The following SRBD1 variants were observed in gnomAD, a reference collection of about 807,000 sequenced individuals.
SRBD1 encodes S1 RNA-binding domain-containing protein 1.
SRBD1 carries 88 observed loss-of-function variants against 115.3 expected under a neutral mutation model. That is an observed-to-expected ratio of 0.76 (90% CI 0.64 to 0.91). The LOEUF is 0.91. Among genes scored for constraint, SRBD1 ranks in the 40% least tolerant of loss-of-function variants. The pLI, the probability that SRBD1 is intolerant of heterozygous loss-of-function variation, is 0.00. For missense variants in SRBD1, 1,385 were observed against 1,177.4 expected, an observed-to-expected ratio of 1.18 and a Z score of -2.58; for synonymous variants, 509 against 407.7, an observed-to-expected ratio of 1.25 and a Z score of -2.99.
intron 4 of SRBD1, among the ~76,000 whole-genome samples, chr2:45,587,546 A>G (rs974061699): frequency 6.6e-6 from 1 of 152,188 alleles, no homozygotes; most frequent in Admixed American, 6.5e-5. Context: ...GGTAAAAAAC[A>G]GGGAAAATTT....
Position 45,445,201 on chromosome 2 carries a change from C to T in SRBD1, c.2050-25307G>A, listed in dbSNP as rs1193588741. ...GCCTTGGCTTCTGTGGTCAAAATTT[C>T]TGGGACTCAGCTGAAAAAAGATTCT... On this transcript the variant is annotated intron_variant, in intron 16 of 20. Coordinates refer to ENST00000263736, the MANE Select transcript of SRBD1 (RefSeq NM_018079.5). Among the ~76,000 whole-genome samples, 5 of 152,230 alleles carry T rather than the reference C, an allele frequency of 3.3e-5. No individual in the cohort carries two copies. The East Asian group carries it at 7.7e-4, about 23-fold the overall frequency.
chr2:45,392,948 T>A lies in SRBD1; in HGVS notation c.2695A>T (p.Thr899Ser). The A allele has an allele frequency of 1.2e-6, 2 of 1,602,750 alleles. No homozygotes were observed. The highest frequency in any genetic ancestry group is 1.7e-6 in the Non-Finnish European group (2 of 1,174,110). Residue 899 changes from threonine (T) to serine (S), a missense_variant, in exon 20 of 21, where the codon ACA (threonine) becomes TCA (serine). By Grantham distance (58) the Thr-to-Ser change is moderately conservative. Transcript: ENST00000263736. ...TAATTCAAGTTCAACTGTTTACCTG[T>A]TCGAAAGTCAAAGCTTTCAGGCTGG... The part of the protein sequence containing the change: ...LSQPESFDFR[T>S]DFDKPDFKRS...
intron 7 of SRBD1, 150 bp from the exon 8 acceptor site, chr2:45,574,873 G>C (rs1432455427): frequency 3.9e-5 from 25 of 647,076 alleles, no homozygotes; most frequent in Non-Finnish European, 5.9e-5. Flanking sequence ...CAGTATACTA[G>C]CTTCCCTTTG....
chr2:45,605,897 C>A (rs1416998906), intron 1 of SRBD1, among the ~76,000 whole-genome samples: 3 of 137,980 alleles, frequency 2.2e-5, no homozygotes, highest in African/African-American at 8.1e-5. Context: ...GAGTGAGACT[C>A]GGTCTCAAAA....
intron 16 of SRBD1, among the ~76,000 whole-genome samples, chr2:45,434,239 C>A (rs939623802): frequency 3.3e-5 from 5 of 152,126 alleles, no homozygotes; most frequent in Non-Finnish European, 5.9e-5. Context: ...ATTTTTAAAA[C>A]CCAACATTCC....
chr2:45,611,023 T>C (rs1363315383), intron 1 of SRBD1, among the ~76,000 whole-genome samples, 196 bp downstream of exon 1: 1 of 152,038 alleles, frequency 6.6e-6, no homozygotes, highest in Non-Finnish European at 1.5e-5. Context: ...ACGAGGTAGC[T>C]AGGAGGGGTT....
chr2:45,422,378 C>A (rs900075898), intron 16 of SRBD1, among the ~76,000 whole-genome samples: 2 of 152,154 alleles, frequency 1.3e-5, no homozygotes, highest in African/African-American at 4.8e-5. Context: ...AAGCTGGTCC[C>A]ACCTCCCACA....
chr2:45,536,846 C>A (rs1294615085), intron 14 of SRBD1, among the ~76,000 whole-genome samples: 1 of 152,130 alleles, frequency 6.6e-6, no homozygotes, highest in Non-Finnish European at 1.5e-5. Context: ...GCGGGCCAAT[C>A]TTCTCTCTTA....
intron 16 of SRBD1, among the ~76,000 whole-genome samples, chr2:45,429,906 CA>C (rs1668280047): frequency 6.6e-6 from 1 of 152,148 alleles, no homozygotes; most frequent in South Asian, 2.1e-4. Flanking sequence ...CGTCTCAGCC[CA>C]AAATCTCCTT....
intron 1 of SRBD1, among the ~76,000 whole-genome samples, chr2:45,608,200 T>C (rs148644494): frequency 2.0e-4 from 30 of 152,306 alleles, no homozygotes; most frequent in Admixed American, 8.5e-4. Flanking sequence ...CTAAATCAAA[T>C]ATTTCCAACT....
intron 7 of SRBD1, among the ~76,000 whole-genome samples, chr2:45,578,640 C>T (rs1673250448): frequency 6.6e-6 from 1 of 152,074 alleles, no homozygotes; most frequent in South Asian, 2.1e-4. Context: ...CTGCCCCCTA[C>T]AGACATTTAC....
rs1405282762 is a variant in SRBD1 at position 45,465,169 on chromosome 2, C to A, written c.2049+11824G>T. Among the ~76,000 whole-genome samples, 3 of 152,068 alleles carry A rather than the reference C, an allele frequency of 2.0e-5. No homozygotes were observed. The East Asian group carries it at 5.8e-4, about 29-fold the overall frequency. ...TTTGCATTTAACCTATGCTGCACAA[C>A]CTCCTGTGTACTTTAAATCATCTCT... On this transcript the variant is annotated intron_variant, in intron 16 of 20. Transcript: ENST00000263736.
intron 14 of SRBD1, among the ~76,000 whole-genome samples, chr2:45,504,670 C>T (rs1310719438): frequency 6.6e-6 from 1 of 152,154 alleles, no homozygotes; most frequent in African/African-American, 2.4e-5. Context: ...AAACTTATCA[C>T]TTATCAAGTA....
chr2:45,449,019 A>T (rs1668910118), intron 16 of SRBD1, among the ~76,000 whole-genome samples: 1 of 152,144 alleles, frequency 6.6e-6, no homozygotes, highest in Admixed American at 6.5e-5. Flanking sequence ...CTATTTGAAC[A>T]TTTTATTTTC....
In SRBD1 at chr2:45,573,376, A is replaced by C. The variant is rs1673080851; in HGVS notation, c.1170-34T>G. 2.5e-6 allele frequency: 4 copies of C among 1,581,700 alleles called. No homozygotes were observed. The Admixed American group carries it at 7.4e-5, about 29-fold the overall frequency. The stretch of plus-strand genomic sequence containing the variant: ...ATACACAAGTGTTCAAAAAACAAGC[A>C]GTTATTAATTTGTGCTTTAGTAAAG... On this transcript the variant is annotated intron_variant, in intron 8 of 20. Coordinates refer to ENST00000263736, the MANE Select transcript of SRBD1 (RefSeq NM_018079.5).
chr2:45,424,438 C>A (rs1402538334), intron 16 of SRBD1, among the ~76,000 whole-genome samples: 1 of 152,080 alleles, frequency 6.6e-6, no homozygotes, highest in Non-Finnish European at 1.5e-5. Flanking sequence ...ACGGCTCAAC[C>A]ATGTACTATA....
At chr2:45,522,766 T>C (rs1219583052) in intron 14 of SRBD1, among the ~76,000 whole-genome samples, 1 of 152,218 alleles carries the variant, frequency 6.6e-6, no homozygotes, top group African/African-American at 2.4e-5. Context: ...TTCTCTTTCT[T>C]ACAATTTTCT....
intron 2 of SRBD1, 89 bp from the exon 3 acceptor site, chr2:45,602,172 T>A (rs1277614121): frequency 4.9e-6 from 7 of 1,431,074 alleles, no homozygotes; most frequent in Non-Finnish European, 6.6e-6. Flanking sequence ...GAAAAAATGA[T>A]AAAGTAGGAG....
chr2:45,509,923 C>A (rs1048391481), intron 14 of SRBD1, among the ~76,000 whole-genome samples: 1 of 152,074 alleles, frequency 6.6e-6, no homozygotes, highest in African/African-American at 2.4e-5. Flanking sequence ...TCAGTAGAGA[C>A]AAGGTCTCAC....
Sources: gnomAD v4.1 joint callset for allele counts (sites outside exome capture counted in the v4.1 genomes callset) on GRCh38, gnomAD v4.1.1 for gene constraint, MANE v1.5 for transcripts, NCBI Gene and HGNC (gene_info 2026-07-23, HGNC 2026-07-21) for gene names.